The following TGFBI variants were observed in gnomAD, a reference collection of about 807,000 sequenced individuals.
The protein encoded by TGFBI is transforming growth factor beta induced.
Under a neutral mutation model 73.7 loss-of-function variants are expected in TGFBI, and 50 were observed. The ratio of observed to expected loss-of-function variants is 0.68; its 90% CI spans 0.54 to 0.86. The LOEUF (loss-of-function observed/expected upper bound fraction) is 0.86. TGFBI is among the 40% of genes least tolerant of loss of function. The pLI is 0.00. For synonymous variants in TGFBI, 362 were observed against 360.5 expected (o/e 1.00, Z -0.05); for missense variants, 839 against 877.0 (o/e 0.96, Z 0.55).
intron 5 of TGFBI, 66 bp from the exon 6 acceptor site, chr5:136,047,208 C>T: frequency 1.3e-6 from 2 of 1,592,674 alleles, no homozygotes; most frequent in Non-Finnish European, 1.7e-6. Context: ...CTGTTTTCTC[C>T]TCCCGGGGCT....
chr5:136,049,484 G>A lies in TGFBI; in HGVS notation c.817G>A (p.Gly273Ser), dbSNP rs184978714. Reference sequence around the variant, plus strand: ...GCTCAACACGATGCTTGAAGGTAACGGCCAGTACACGCTTTTGGCCCCGAC... The same window carrying A: ...GCTCAACACGATGCTTGAAGGTAACAGCCAGTACACGCTTTTGGCCCCGAC... ...SGLNTMLEGNGQYTLLAPTNE... is the reference protein window; with the variant it reads ...SGLNTMLEGNSQYTLLAPTNE... Residue 273 changes from glycine (G) to serine (S), a missense_variant, in exon 7 of 17, where the codon GGC becomes AGC. Coordinates refer to ENST00000442011, the MANE Select transcript of TGFBI (RefSeq NM_000358.3). 34 of 1,613,962 alleles carry A rather than the reference G, an allele frequency of 2.1e-5. No individual in the cohort carries two copies. The highest frequency in any genetic ancestry group is 4.5e-5 in the East Asian group (2 of 44,880).
At chr5:136,042,675 A>G (rs888061360) in intron 2 of TGFBI, among the ~76,000 whole-genome samples, 2 of 74,428 alleles carry the variant, frequency 2.7e-5, no homozygotes, top group African/African-American at 1.1e-4. Context: ...AGCAAACAGG[A>G]AAAAAAAAGA....
intron 16 of TGFBI, 109 bp from the exon 17 acceptor site, chr5:136,063,076 AG>A: frequency 4.3e-6 from 4 of 940,562 alleles, no homozygotes; most frequent in Non-Finnish European, 6.8e-6. Flanking sequence ...TGTGCAGGAG[AG>A]CATGGCAGAA....
Position 136,047,119 on chromosome 5 carries a change from C to T in TGFBI, c.624+104C>T, listed in dbSNP as rs1357049681. 3.3e-6 allele frequency: 5 copies of T among 1,520,854 alleles called. No individual in the cohort carries two copies. In the East Asian group the frequency reaches 7.0e-5, roughly 21 times the overall value. 94.2% of individuals were successfully genotyped at this position (1,520,854 alleles called of 1,614,324 possible). On this transcript the variant is annotated intron_variant, in intron 5 of 16. Transcript: ENST00000442011. ...GGGGTTTAAGCTGTAGACAACCCACCCTCTTTGTGCCTGCTTCTCCTTGGG... is the reference window on the plus strand; with the variant it reads ...GGGGTTTAAGCTGTAGACAACCCACTCTCTTTGTGCCTGCTTCTCCTTGGG...
intron 13 of TGFBI, 94 bp downstream of exon 13, chr5:136,059,308 C>T: frequency 1.3e-6 from 2 of 1,502,096 alleles, no homozygotes; most frequent in Middle Eastern, 2.4e-4. Context: ...ACACACACAA[C>T]CTTCAAGTTG....
chr5:136,062,977 G>T (rs1751776824), intron 16 of TGFBI, among the ~76,000 whole-genome samples: 1 of 152,196 alleles, frequency 6.6e-6, no homozygotes, highest in South Asian at 2.1e-4. Flanking sequence ...CCATGGTGAG[G>T]ATCTAGTTCC....
rs552665555 is a variant in TGFBI, at chr5:136,063,521, T to C, written c.*295T>C. ...TCCCAAATGTGGAATTGACTGCCTA[T>C]GCCAAGTCCCTGGAAAAGGAGCTTC... On this transcript the variant is annotated 3_prime_UTR_variant, in exon 17 of 17. Transcript: ENST00000442011. The C allele has an allele frequency of 5.4e-5, 21 of 387,742 alleles. No individual in the cohort carries two copies. Among genetic ancestry groups the C allele is most frequent in the African/African-American group, 4.3e-4 (21 of 49,292 alleles). 24.0% of individuals were successfully genotyped at this position (387,742 alleles called of 1,614,324 possible).
intron 11 of TGFBI, among the ~76,000 whole-genome samples, chr5:136,056,156 G>A (rs1018626870): frequency 3.3e-5 from 5 of 152,308 alleles, no homozygotes; most frequent in Admixed American, 3.3e-4. Flanking sequence ...TGCACGATGA[G>A]CCTCTCACTC....
chr5:136,053,283 G>A (rs1198635496), intron 8 of TGFBI, among the ~76,000 whole-genome samples, 164 bp downstream of exon 8: 5 of 152,234 alleles, frequency 3.3e-5, no homozygotes, highest in Admixed American at 3.3e-4. Context: ...TGACCAGACT[G>A]ATGTGTCTTG....
chr5:136,046,202 G>A (rs1751422912), intron 3 of TGFBI, 133 bp from the exon 4 acceptor site: 2 of 1,071,450 alleles, frequency 1.9e-6, no homozygotes, highest in Non-Finnish European at 2.7e-6. Context: ...GAAACAGCCT[G>A]TCTTTGGGCT....
In TGFBI at chr5:136,059,166, C is replaced by T. The variant is rs779632250; in HGVS notation, c.1755C>T (p.Ala585=). The change falls in exon 13 of 17, where the codon GCC becomes GCT. Residue 585 remains alanine (A), a synonymous_variant. Transcript: ENST00000442011. ...DEILVSGGIG[A]LVRLKSLQGD... ...TCCTGGTTAGCGGAGGCATCGGGGC[C>T]CTGGTGCGGCTAAAGTCTCTCCAAG... The T allele has an allele frequency of 2.5e-6, 4 of 1,610,644 alleles. No individual in the cohort carries two copies. Among genetic ancestry groups the T allele is most frequent in the Admixed American group, 3.4e-5 (2 of 59,644 alleles).
rs191994212 is a variant in TGFBI at position 136,049,320 on chromosome 5, G to A, written c.772-119G>A. On this transcript the variant is annotated intron_variant, in intron 6 of 16. Transcript: ENST00000442011. The stretch of plus-strand genomic sequence containing the variant: ...GAGCTTGGGTTTGGCTTCTGTTTTC[G>A]TCTTGGGCTTCTGTGAAAGCCTCGA... 276 of 1,374,844 alleles carry A rather than the reference G, an allele frequency of 2.0e-4. 2 individuals are homozygous for A. Among genetic ancestry groups the A allele is most frequent in the African/African-American group, 1.6e-4 (11 of 69,440 alleles). 85.2% of individuals were successfully genotyped at this position (1,374,844 alleles called of 1,614,324 possible).
At chr5:136,037,816 G>A (rs777206663) in intron 2 of TGFBI, among the ~76,000 whole-genome samples, 4 of 152,214 alleles carry the variant, frequency 2.6e-5, no homozygotes, top group Non-Finnish European at 5.9e-5. Context: ...ATCAGCTGGT[G>A]CATGGTCGAG....
At chr5:136,029,941 CT>C (rs1751087676) in intron 1 of TGFBI, among the ~76,000 whole-genome samples, 1 of 152,126 alleles carries the variant, frequency 6.6e-6, no homozygotes. Context: ...GCAGGAATTC[CT>C]TTGAGACCCT....
chr5:136,056,770 A>G lies in TGFBI; in HGVS notation c.1653A>G (p.Pro551=). Residue 551 remains proline, a synonymous_variant, in exon 12 of 17, where the codon CCA becomes CCG. Transcript: ENST00000442011. The part of the protein sequence containing the change: ...APTNEAFRAL[P]PRERSRLLGD... ...CAAATGAAGCCTTCCGAGCCCTGCC[A>G]CCAAGAGAACGGAGCAGACTCTTGG... The G allele has an allele frequency of 2.5e-6, 4 of 1,613,894 alleles. No homozygotes were observed. The highest frequency in any genetic ancestry group is 2.2e-5 in the East Asian group (1 of 44,876).
Position 136,046,319 on chromosome 5 carries a change from T to A in TGFBI, c.299-16T>A. 1 of 1,613,800 alleles carries A rather than the reference T, an allele frequency of 6.2e-7. No homozygotes were observed. The highest frequency in any genetic ancestry group is 1.1e-5 in the South Asian group (1 of 91,050). On this transcript the variant is annotated splice_polypyrimidine_tract_variant and intron_variant, in intron 3 of 16. Transcript: ENST00000442011. ...CCCCCAGAGGCCATCCCTCCTTCTG[T>A]CTTCTGCTCCTGCAGCCCTACCACT... is the stretch of plus-strand genomic sequence containing the variant.
At chr5:136,060,687 G>A (rs536338149) in intron 13 of TGFBI, 147 bp from the exon 14 acceptor site, 1 of 537,118 alleles carries the variant, frequency 1.9e-6, no homozygotes, top group Non-Finnish European at 3.2e-6. Flanking sequence ...TCCAGCCTGG[G>A]CGACAAGATT....
chr5:136,052,760 G>C (rs1297952515), intron 7 of TGFBI, 147 bp from the exon 8 acceptor site: 1 of 743,388 alleles, frequency 1.3e-6, no homozygotes. Flanking sequence ...AGAAGGCGAG[G>C]AGGATCTGGG....
rs757933370 is a variant in TGFBI, at chr5:136,046,373, G to A, written c.337G>A (p.Val113Ile). 5.6e-5 allele frequency: 91 copies of A among 1,613,838 alleles called. 1 individual carries two copies. The highest frequency in any genetic ancestry group is 5.3e-4 in the Admixed American group (32 of 59,998). ...AAACCTTTACGAGACCCTGGGAGTC[G>A]TTGGATCCACCACCACTCAGCTGTA... is the stretch of plus-strand genomic sequence containing the variant. ...LSNLYETLGVVGSTTTQLYTD... is the reference protein window; with the variant it reads ...LSNLYETLGVIGSTTTQLYTD... The change falls in exon 4 of 17, where the codon GTT (valine) becomes ATT (isoleucine). Residue 113 changes from valine (V) to isoleucine (I), a missense_variant. Physicochemically the swap from Val to Ile is conservative, Grantham distance 29. Transcript: ENST00000442011.
Sources: allele counts gnomAD v4.1 joint callset (sites outside exome capture counted in the v4.1 genomes callset), GRCh38; gene constraint gnomAD v4.1.1; transcripts MANE v1.5; gene names NCBI Gene and HGNC (gene_info 2026-07-23, HGNC 2026-07-21).